The following PTPRN2 variants were observed in gnomAD, a reference collection of about 807,000 sequenced individuals.
PTPRN2 encodes the protein protein tyrosine phosphatase receptor type N2, also known as receptor-type tyrosine-protein phosphatase N2.
In PTPRN2, 74 loss-of-function variants were observed where a neutral mutation model predicts 118.8. The observed-to-expected ratio is 0.62, with a 90% CI of 0.52 to 0.76. The LOEUF (loss-of-function observed/expected upper bound fraction) is 0.76. Among genes scored for constraint, PTPRN2 ranks in the 30% least tolerant of loss-of-function variants. The pLI, the probability that PTPRN2 is intolerant of heterozygous loss-of-function variation, is 0.00. For missense variants in PTPRN2, 1,481 were observed against 1,394.4 expected (o/e 1.06, Z -0.99); for synonymous variants, 641 against 608.0 (o/e 1.05, Z -0.80).
chr7:158,283,519 C>G (rs1161860658), intron 3 of PTPRN2, among the ~76,000 whole-genome samples: 1 of 151,836 alleles, frequency 6.6e-6, no homozygotes, highest in Non-Finnish European at 1.5e-5. Flanking sequence ...GTCGTGGAGT[C>G]TGCAGCTGCC....
chr7:158,010,923 G>A (rs1806000627), intron 11 of PTPRN2, among the ~76,000 whole-genome samples: 1 of 152,210 alleles, frequency 6.6e-6, no homozygotes, highest in Non-Finnish European at 1.5e-5. Flanking sequence ...GGTGGGCAGG[G>A]GAGGAAGAGC....
intron 15 of PTPRN2, chr7:157,614,060 C>T (rs200293621): frequency 2.1e-6 from 1 of 471,236 alleles, no homozygotes; most frequent in Non-Finnish European, 4.4e-6. Flanking sequence ...TGCAGCAGGA[C>T]TGCTCAACCG....
chr7:157,800,299 T>C (rs1193840515), intron 12 of PTPRN2, among the ~76,000 whole-genome samples: 1 of 152,202 alleles, frequency 6.6e-6, no homozygotes, highest in Non-Finnish European at 1.5e-5. Context: ...TAGCCCCACC[T>C]TCCATCACTG....
At chr7:158,584,399 C>T (rs948133625) in intron 1 of PTPRN2, among the ~76,000 whole-genome samples, 7 of 152,244 alleles carry the variant, frequency 4.6e-5, no homozygotes, top group East Asian at 1.9e-4. Flanking sequence ...CAGAGAAAGG[C>T]GGGCCGGTCG....
chr7:158,141,801 G>A (rs1819411095), intron 6 of PTPRN2, among the ~76,000 whole-genome samples: 3 of 152,132 alleles, frequency 2.0e-5, no homozygotes, highest in Admixed American at 2.0e-4. Context: ...TGATGTAAAG[G>A]CCTGAACGTC....
intron 15 of PTPRN2, among the ~76,000 whole-genome samples, chr7:157,612,679 G>T (rs1802441420): frequency 6.6e-6 from 1 of 152,222 alleles, no homozygotes; most frequent in African/African-American, 2.4e-5. Context: ...TGCCAAGCAG[G>T]CGCGTCTGGA....
intron 2 of PTPRN2, among the ~76,000 whole-genome samples, chr7:158,389,919 C>T (rs961584604): frequency 1.5e-4 from 23 of 152,222 alleles, no homozygotes; most frequent in Admixed American, 5.2e-4. Context: ...GCCCAAGACG[C>T]GTGGTGAGGC....
intron 3 of PTPRN2, among the ~76,000 whole-genome samples, chr7:158,314,022 C>A (rs190020421): frequency 0.023 from 3,557 of 152,206 alleles, 146 homozygotes; most frequent in African/African-American, 0.079. Context: ...GCCCCGGAGC[C>A]CTTGTGGCAC....
At chr7:157,797,964 G>A (rs1394014741) in intron 12 of PTPRN2, among the ~76,000 whole-genome samples, 3 of 152,130 alleles carry the variant, frequency 2.0e-5, no homozygotes, top group African/African-American at 4.8e-5. Context: ...TTTCTTTAAC[G>A]ATTATTTCTC....
intron 9 of PTPRN2, among the ~76,000 whole-genome samples, chr7:158,113,842 T>C (rs1444714309): frequency 6.6e-6 from 1 of 152,070 alleles, no homozygotes; most frequent in Non-Finnish European, 1.5e-5. Flanking sequence ...TCGAGGCACG[T>C]AGCAATCCGG....
At chr7:158,393,120 G>A (rs1812068236) in intron 2 of PTPRN2, among the ~76,000 whole-genome samples, 1 of 152,092 alleles carries the variant, frequency 6.6e-6, no homozygotes, top group South Asian at 2.1e-4. Context: ...ACTCGATGTT[G>A]GCTGGAAAGG....
rs577848013 is a variant in PTPRN2 at position 157,619,630 on chromosome 7, C to G, written c.2344+1732G>C. 1.3e-5 allele frequency among the ~76,000 whole-genome samples: 2 copies of G among 152,212 alleles called. No homozygotes were observed. The highest frequency in any genetic ancestry group is 2.9e-5 in the Non-Finnish European group (2 of 68,040). ...CTCTTTAGGGTTAAAACCCTCAGAC[C>G]TCATAGAAACTGGTCTGAACACTAA... On this transcript the variant is annotated intron_variant, in intron 15 of 22. Transcript: ENST00000389418. This position sits in a 1 kb window ranked among gnomAD's most constrained non-coding sequence, Gnocchi z 5.3.
intron 12 of PTPRN2, among the ~76,000 whole-genome samples, chr7:157,895,856 G>A (rs972217679): frequency 1.1e-4 from 17 of 152,094 alleles, no homozygotes; most frequent in African/African-American, 3.6e-4. Flanking sequence ...ACCTGCACAC[G>A]ACCCAGTGGT....
intron 18 of PTPRN2, among the ~76,000 whole-genome samples, chr7:157,576,980 G>T (rs534304576): frequency 7.9e-5 from 12 of 152,336 alleles, no homozygotes; most frequent in African/African-American, 2.9e-4. Flanking sequence ...AGTTAGCTCC[G>T]TGCGGGTGTG....
chr7:158,441,792 T>C (rs796506562), intron 2 of PTPRN2, among the ~76,000 whole-genome samples: 10 of 65,102 alleles, frequency 1.5e-4, no homozygotes, highest in Admixed American at 4.7e-4. Context: ...ATGGTGATAG[T>C]GATGGTCATG....
At chr7:157,648,191 T>C (rs13307789) in intron 14 of PTPRN2, among the ~76,000 whole-genome samples, 265 of 7,778 alleles carry the variant, frequency 0.034, no homozygotes, top group Middle Eastern at 0.083. Context: ...CTCGGTGGGT[T>C]GGACCCATTC....
intron 19 of PTPRN2, among the ~76,000 whole-genome samples, chr7:157,572,649 G>A (rs1346833619): frequency 6.6e-6 from 1 of 151,636 alleles, no homozygotes; most frequent in African/African-American, 2.4e-5. Context: ...ACCAGAACAA[G>A]GCCCTTCTGA....
intron 1 of PTPRN2, among the ~76,000 whole-genome samples, chr7:158,556,758 AGCAGGTTGCTCCCAC>A (rs1827029597): frequency 1.0e-5 from 1 of 97,040 alleles, no homozygotes. Flanking sequence ...GCGGCTCCCG[AGCAGGTTGCTCCCAC>A]GCAGGTCGCT....
chr7:158,274,265 C>CCGCAGACACAGGGGGAGA (rs1798783470), intron 3 of PTPRN2, among the ~76,000 whole-genome samples: 1 of 140,534 alleles, frequency 7.1e-6, no homozygotes, highest in Non-Finnish European at 1.5e-5. Flanking sequence ...ACACGGGGAG[C>CCGCAGACACAGGGGGAGA]CGCAGACACA....
Sources: allele counts gnomAD v4.1 joint callset (sites outside exome capture counted in the v4.1 genomes callset), GRCh38; gene constraint gnomAD v4.1.1; non-coding constraint Gnocchi (gnomAD v3.1); transcripts MANE v1.5; gene names NCBI Gene and HGNC (gene_info 2026-07-23, HGNC 2026-07-21).